Variants in WDR48 observed in about 807,000 individuals in gnomAD.
The protein encoded by WDR48 is WD repeat-containing protein 48.
WDR48 carries 22 observed loss-of-function variants against 94.0 expected under a neutral mutation model. The ratio of observed to expected loss-of-function variants is 0.23; its 90% confidence interval spans 0.17 to 0.33. The LOEUF (loss-of-function observed/expected upper bound fraction) is 0.33, where lower values mean the gene tolerates loss of function less well. Ranked by LOEUF, WDR48 falls within the 10% of genes least tolerant of loss-of-function variation. The pLI is 1.00. For missense variants in WDR48, 541 were observed against 813.8 expected (o/e 0.66, Z 4.08); for synonymous variants, 278 against 280.5 (o/e 0.99, Z 0.09).
In WDR48 at chr3:39,079,712, G is replaced by A; in HGVS notation, c.1077G>A (p.Gly359=). ...LCTQPDQVIK[G]GASIIQCHIL... ...AATTGTGTTTTTTTTTCCCATTAGG[G>A]GGTGCTAGTATTATTCAGTGCCACA... The change falls in exon 11 of 19, where the codon GGG becomes GGA. Residue 359 remains glycine, a splice_region_variant and synonymous_variant. Transcript: ENST00000302313. 2.6e-6 allele frequency: 4 copies of A among 1,536,870 alleles called. No homozygotes were observed. Among genetic ancestry groups the A allele is most frequent in the Non-Finnish European group, 3.5e-6 (4 of 1,150,118 alleles).
At chr3:39,091,149 T>C (rs1430889106) in intron 16 of WDR48, 1 of 153,052 alleles carries the variant, frequency 6.5e-6, no homozygotes, top group Non-Finnish European at 1.5e-5. Flanking sequence ...CAGACCTCAC[T>C]GTGATGTCAG....
At chr3:39,066,515 C>G (rs376132024) in intron 3 of WDR48, 33 bp from the exon 4 acceptor site, 387 of 1,582,392 alleles carry the variant, frequency 2.4e-4, no homozygotes, top group Non-Finnish European at 3.1e-4. Flanking sequence ...AGTCATACTA[C>G]TAAGGAGTTT....
At chr3:39,056,194 T>C (rs1267130641) in intron 1 of WDR48, among the ~76,000 whole-genome samples, 1 of 152,226 alleles carries the variant, frequency 6.6e-6, no homozygotes, top group African/African-American at 2.4e-5. Flanking sequence ...AGATATTGCT[T>C]TGATTTTTTT....
chr3:39,087,981 G>T, intron 14 of WDR48, 147 bp from the exon 15 acceptor site: 1 of 689,604 alleles, frequency 1.5e-6, no homozygotes. Flanking sequence ...AATTTAACTT[G>T]TTTTTAACCT....
At chr3:39,087,978 C>A in intron 14 of WDR48, 150 bp from the exon 15 acceptor site, 2 of 659,688 alleles carry the variant, frequency 3.0e-6, no homozygotes, top group Non-Finnish European at 2.5e-6. Flanking sequence ...AGAAATTTAA[C>A]TTGTTTTTAA....
intron 14 of WDR48, among the ~76,000 whole-genome samples, chr3:39,086,588 G>T (rs1200259145): frequency 6.6e-6 from 1 of 152,150 alleles, no homozygotes; most frequent in African/African-American, 2.4e-5. Context: ...TGTCAGAATT[G>T]TACAGTGGAC....
In WDR48 at chr3:39,074,718, G is replaced by C; in HGVS notation, c.673-8G>C. The C allele has an allele frequency of 1.9e-6, 3 of 1,612,564 alleles. No homozygotes were observed. The highest frequency in any genetic ancestry group is 1.7e-6 in the Non-Finnish European group (2 of 1,178,838). On this transcript the variant is annotated splice_region_variant and splice_polypyrimidine_tract_variant and intron_variant, in intron 7 of 18. Coordinates refer to ENST00000302313, the MANE Select transcript of WDR48 (RefSeq NM_020839.4). Reference sequence around the variant, plus strand: ...GCAAGTTCTAACTTTGCCTTTCTTTGTTTGCAGTGCCTGTCAGGCAGTTCT... The same window carrying C: ...GCAAGTTCTAACTTTGCCTTTCTTTCTTTGCAGTGCCTGTCAGGCAGTTCT...
At chr3:39,066,721 T>G in intron 4 of WDR48, 25 bp from the exon 5 acceptor site, 2 of 1,613,758 alleles carry the variant, frequency 1.2e-6, no homozygotes, top group South Asian at 2.2e-5. Flanking sequence ...ACAGAATAGA[T>G]CATAGTATGT....
At chr3:39,066,692 C>G in intron 4 of WDR48, 54 bp from the exon 5 acceptor site, 1 of 1,613,042 alleles carries the variant, frequency 6.2e-7, no homozygotes, top group African/African-American at 1.3e-5. Context: ...CTTTGTGTGG[C>G]TCATTTTATT....
chr3:39,084,617 G>A (rs1395756907), intron 12 of WDR48, 28 bp from the exon 13 acceptor site: 1 of 1,581,436 alleles, frequency 6.3e-7, no homozygotes, highest in African/African-American at 1.3e-5. Context: ...ATTCAAATGG[G>A]ATGCCACTAA....
In WDR48 at chr3:39,054,783, G is replaced by A. The variant is rs2032743571; in HGVS notation, c.48+2710G>A. On this transcript the variant is annotated intron_variant, in intron 1 of 18. Coordinates refer to ENST00000302313, the MANE Select transcript of WDR48 (RefSeq NM_020839.4). The stretch of plus-strand genomic sequence containing the variant: ...TTCTGCAGGCTTTACAGGAAATATG[G>A]TGCTAGGATCTGCTCGTCTTCCAGG... Among the ~76,000 whole-genome samples the A allele has an allele frequency of 3.3e-5, 5 of 152,180 alleles. No homozygotes were observed. The South Asian group carries it at 6.2e-4, about 19-fold the overall frequency.
At chr3:39,074,324 T>C (rs1359475568) in intron 7 of WDR48, among the ~76,000 whole-genome samples, 1 of 152,224 alleles carries the variant, frequency 6.6e-6, no homozygotes, top group Non-Finnish European at 1.5e-5. Flanking sequence ...TCATCTAGTT[T>C]CTCTTCTATC....
At chr3:39,087,874 G>A in intron 14 of WDR48, 1 of 397,708 alleles carries the variant, frequency 2.5e-6, no homozygotes, top group Admixed American at 3.9e-5. Context: ...TTTTTGTTCT[G>A]AATCTCAAAC....
chr3:39,052,451 G>C (rs2032498218), intron 1 of WDR48: 4 of 207,536 alleles, frequency 1.9e-5, no homozygotes. Context: ...AGGCCTCCAG[G>C]GGTTTCCCAG....
chr3:39,076,770 A>T (rs899084016), intron 8 of WDR48, among the ~76,000 whole-genome samples: 1 of 152,208 alleles, frequency 6.6e-6, no homozygotes, highest in African/African-American at 2.4e-5. Context: ...GACATTTTCA[A>T]AGTAAAAAGA....
intron 1 of WDR48, among the ~76,000 whole-genome samples, chr3:39,061,876 C>CTGTT (rs200309391): frequency 0.44 from 66,672 of 150,746 alleles, 17,897 homozygotes; most frequent in African/African-American, 0.77. Flanking sequence ...TTTCTTGTGT[C>CTGTT]TGCTGCAGAA....
rs186990715 is a variant in WDR48, at chr3:39,093,179, C to T, written c.1746-695C>T. 2.2e-4 allele frequency among the ~76,000 whole-genome samples: 34 copies of T among 152,194 alleles called. No individual in the cohort carries two copies. The East Asian group carries it at 4.0e-3, about 18-fold the overall frequency. ...GGTCTAGACTCAGGCATTGTCTGCT[C>T]ACAGGTGCTAGCTGAAGGCATGGCA... On this transcript the variant is annotated intron_variant, in intron 17 of 18. Transcript: ENST00000302313.
intron 1 of WDR48, among the ~76,000 whole-genome samples, chr3:39,059,217 A>G (rs1208084482): frequency 6.6e-6 from 1 of 152,210 alleles, no homozygotes; most frequent in Non-Finnish European, 1.5e-5. Flanking sequence ...CTGAAGAGTA[A>G]GGGTGAGTTA....
At chr3:39,055,096 T>G (rs1334180243) in intron 1 of WDR48, among the ~76,000 whole-genome samples, 2 of 152,240 alleles carry the variant, frequency 1.3e-5, no homozygotes, top group Non-Finnish European at 2.9e-5. Context: ...TAAATATACT[T>G]TGTCTCCTGA....
Sources: gnomAD v4.1 joint callset for allele counts (sites outside exome capture counted in the v4.1 genomes callset) on GRCh38, gnomAD v4.1.1 for gene constraint, MANE v1.5 for transcripts, NCBI Gene and HGNC (gene_info 2026-07-23, HGNC 2026-07-21) for gene names.